The following RGS18 variants were observed in gnomAD, a reference collection of about 807,000 sequenced individuals.
RGS18 encodes regulator of G protein signaling 18.
RGS18 carries 22 observed loss-of-function variants against 27.6 expected under a neutral mutation model. The ratio of observed to expected loss-of-function variants is 0.80; its 90% CI spans 0.57 to 1.14. The LOEUF (loss-of-function observed/expected upper bound fraction) is 1.14. Among genes scored for constraint, RGS18 ranks in the 50% most tolerant of loss-of-function variants. RGS18 has a pLI of 0.00. For missense variants in RGS18, 299 were observed against 269.6 expected, an observed-to-expected ratio of 1.11 and a Z score of -0.76; for synonymous variants, 89 against 84.6, an observed-to-expected ratio of 1.05 and a Z score of -0.29.
intron 3 of RGS18, among the ~76,000 whole-genome samples, chr1:192,173,793 C>T (rs181607332): frequency 4.9e-4 from 74 of 151,758 alleles, no homozygotes; most frequent in Non-Finnish European, 9.4e-4. Context: ...TTATGGTTTG[C>T]TTCCTAATGT....
intron 3 of RGS18, among the ~76,000 whole-genome samples, chr1:192,174,435 C>T (rs970400642): frequency 7.2e-5 from 11 of 151,822 alleles, no homozygotes; most frequent in Admixed American, 2.0e-4. Context: ...TTTTTCAATT[C>T]AGTCGAATTA....
chr1:192,184,575 T>C lies in RGS18; in HGVS notation c.*21T>C. ...TATAAAGAAAATTGATTTTGCTCAT[T>C]TTTATGACAAACTTATACATCTGCT... On this transcript the variant is annotated 3_prime_UTR_variant, in exon 5 of 5. Transcript: ENST00000367460. The C allele has an allele frequency of 6.2e-7, 1 of 1,604,666 alleles. No individual in the cohort carries two copies. Among genetic ancestry groups the C allele is most frequent in the Non-Finnish European group, 8.5e-7 (1 of 1,173,330 alleles).
intron 3 of RGS18, among the ~76,000 whole-genome samples, chr1:192,167,552 T>C (rs578092668): frequency 6.6e-6 from 1 of 152,100 alleles, no homozygotes; most frequent in African/African-American, 2.4e-5. Context: ...CCCAAGTAGC[T>C]GGGATTTCAG....
chr1:192,176,233 A>T (rs955040716), intron 3 of RGS18, among the ~76,000 whole-genome samples: 1 of 151,884 alleles, frequency 6.6e-6, no homozygotes, highest in Non-Finnish European at 1.5e-5. Context: ...ACAAGTTAGT[A>T]CAAGGTCACT....
chr1:192,184,675 A>T lies in RGS18; in HGVS notation c.*121A>T, dbSNP rs1228996737. On this transcript the variant is annotated 3_prime_UTR_variant, in exon 5 of 5. Coordinates refer to ENST00000367460, the MANE Select transcript of RGS18 (RefSeq NM_130782.3). Reference sequence around the variant, plus strand: ...GAAATATGTCATGTGAAATTATTTTAAAAATGTAAAAACAAAACTTTCTGC... The same window carrying T: ...GAAATATGTCATGTGAAATTATTTTTAAAATGTAAAAACAAAACTTTCTGC... 2.0e-6 allele frequency: 2 copies of T among 986,672 alleles called. No individual in the cohort carries two copies. Among genetic ancestry groups the T allele is most frequent in the South Asian group, 1.8e-5 (1 of 56,880 alleles). 61.1% of individuals were successfully genotyped at this position (986,672 alleles called of 1,614,324 possible).
In RGS18 at chr1:192,159,248, C is replaced by T; in HGVS notation, c.148C>T (p.Leu50Phe). ...TAAGGAAAAAAGAAATAGACTAAGT[C>T]TTCTTGTGCAGAAACCTGAGTTTCA... Reference protein sequence around the residue: ...RAKEKRNRLSLLVQKPEFHED... With the variant: ...RAKEKRNRLSFLVQKPEFHED... The change falls in exon 2 of 5, where the codon CTT becomes TTT. Residue 50 changes from leucine (L) to phenylalanine (F), a missense_variant. Coordinates refer to ENST00000367460, the MANE Select transcript of RGS18 (RefSeq NM_130782.3). The T allele has an allele frequency of 6.2e-7, 1 of 1,613,526 alleles. No individual in the cohort carries two copies. Among genetic ancestry groups the T allele is most frequent in the Non-Finnish European group, 8.5e-7 (1 of 1,179,500 alleles).
chr1:192,168,957 G>A (rs1475578491), intron 3 of RGS18: 1 of 152,156 alleles, frequency 6.6e-6, no homozygotes, highest in Non-Finnish European at 1.5e-5. Flanking sequence ...AAATGGAATT[G>A]TGCCAATAAA....
chr1:192,170,184 A>T (rs1656231096), intron 3 of RGS18, among the ~76,000 whole-genome samples: 3 of 152,220 alleles, frequency 2.0e-5, no homozygotes, highest in Admixed American at 2.0e-4. Flanking sequence ...TATTTCAATT[A>T]CAATGTAGGG....
At chr1:192,169,259 T>C (rs890865024) in intron 3 of RGS18, 4 of 152,156 alleles carry the variant, frequency 2.6e-5, no homozygotes, top group Admixed American at 2.0e-4. Context: ...TAGGAATAAT[T>C]TGATATTTAA....
At chr1:192,160,016 C>A (rs891915497) in intron 2 of RGS18, among the ~76,000 whole-genome samples, 1 of 151,734 alleles carries the variant, frequency 6.6e-6, no homozygotes, top group Non-Finnish European at 1.5e-5. Context: ...CTGAAAGATA[C>A]TGTGAGTTTA....
chr1:192,184,534 G>A lies in RGS18; in HGVS notation c.688G>A (p.Asp230Asn), dbSNP rs565057151. ...TCNEFQDVQS[D>N]VAIWL The stretch of plus-strand genomic sequence containing the variant: ...CAATGAATTCCAAGATGTACAATCA[G>A]ATGTTGCCATTTGGTTATAAAGAAA... The change falls in exon 5 of 5, where the codon GAT (aspartate) becomes AAT (asparagine). Residue 230 changes from aspartate (D) to asparagine (N), a missense_variant. Physicochemically the swap from Asp to Asn is conservative, Grantham distance 23. Transcript: ENST00000367460. 1 of 1,611,032 alleles carries A rather than the reference G, an allele frequency of 6.2e-7. No homozygotes were observed. Among genetic ancestry groups the A allele is most frequent in the South Asian group, 1.1e-5 (1 of 90,954 alleles).
At chr1:192,162,749 C>T (rs1284169918) in intron 3 of RGS18, among the ~76,000 whole-genome samples, 1 of 151,962 alleles carries the variant, frequency 6.6e-6, no homozygotes, top group Non-Finnish European at 1.5e-5. Context: ...AATTCATGTC[C>T]CCCAAATGTG....
intron 3 of RGS18, among the ~76,000 whole-genome samples, chr1:192,177,587 C>T (rs188761917): frequency 7.9e-5 from 12 of 151,738 alleles, no homozygotes; most frequent in South Asian, 2.1e-4. Flanking sequence ...TAAGTTTACC[C>T]GGCACAGTAG....
At chr1:192,159,170 A>AT (rs1290922567) in intron 1 of RGS18, 50 bp from the exon 2 acceptor site, 2 of 1,374,726 alleles carry the variant, frequency 1.5e-6, no homozygotes, top group Non-Finnish European at 2.1e-6. Context: ...AGCAGGAGAG[A>AT]TTTTAACTGT....
intron 3 of RGS18, among the ~76,000 whole-genome samples, chr1:192,177,163 G>A (rs1656372393): frequency 6.6e-6 from 1 of 151,612 alleles, no homozygotes; most frequent in Admixed American, 6.6e-5. Context: ...TTAATTAAAT[G>A]TTTAATGTCA....
chr1:192,171,042 A>G (rs192769107), intron 3 of RGS18, among the ~76,000 whole-genome samples: 1 of 152,278 alleles, frequency 6.6e-6, no homozygotes, highest in Admixed American at 6.5e-5. Flanking sequence ...TACAACCAGC[A>G]CATCTGATGC....
intron 3 of RGS18, among the ~76,000 whole-genome samples, chr1:192,179,993 C>A (rs545937790): frequency 1.3e-5 from 2 of 151,512 alleles, no homozygotes; most frequent in African/African-American, 4.8e-5. Context: ...GAACTTCCTA[C>A]GAGTTCATGT....
At position 192,184,302 on chromosome 1, in the gene RGS18, C is replaced by A. The variant is rs1352518105; in HGVS notation, c.456C>A (p.Asn152Lys). 6.2e-7 allele frequency: 1 copy of A among 1,606,468 alleles called. No individual in the cohort carries two copies. The highest frequency in any genetic ancestry group is 8.5e-7 in the Non-Finnish European group (1 of 1,174,464). The change falls in exon 5 of 5, where the codon AAC (asparagine) becomes AAA (lysine). Residue 152 changes from asparagine (N) to lysine (K), a missense_variant. Transcript: ENST00000367460. ...CTTTTTTTCTGTTTATCCAGGTTAACCTTGATTTTCACACAAAAGAAGTCA... is the reference window on the plus strand; with the variant it reads ...CTTTTTTTCTGTTTATCCAGGTTAAACTTGATTTTCACACAAAAGAAGTCA... ...FIQTDAPKEV[N>K]LDFHTKEVIT...
intron 3 of RGS18, among the ~76,000 whole-genome samples, chr1:192,177,861 A>T (rs1196241060): frequency 6.6e-6 from 1 of 151,738 alleles, no homozygotes; most frequent in Non-Finnish European, 1.5e-5. Flanking sequence ...TAGTAGGAAG[A>T]GATGAACGCT....
Sources: gnomAD v4.1 joint callset for allele counts (sites outside exome capture counted in the v4.1 genomes callset) on GRCh38, gnomAD v4.1.1 for gene constraint, MANE v1.5 for transcripts, NCBI Gene and HGNC (gene_info 2026-07-23, HGNC 2026-07-21) for gene names.